Variants in RIMS2 observed in about 807,000 individuals in gnomAD.
The protein encoded by RIMS2 is regulating synaptic membrane exocytosis protein 2.
A neutral mutation model predicts 174.4 loss-of-function variants in RIMS2; 59 were observed. The ratio of observed to expected loss-of-function variants is 0.34; its 90% confidence interval spans 0.27 to 0.42. The LOEUF is 0.42. Ranked by LOEUF, RIMS2 falls within the 10% of genes least tolerant of loss-of-function variation. The probability of loss-of-function intolerance (pLI) is 1.00; values close to 1 mark genes in which losing one functional copy is unlikely to be tolerated. For synonymous variants in RIMS2, 606 were observed against 572.5 expected, an observed-to-expected ratio of 1.06 and a Z score of -0.84; for missense variants, 1,620 against 1,666.3, an observed-to-expected ratio of 0.97 and a Z score of 0.48.
intron 15 of RIMS2, among the ~76,000 whole-genome samples, chr8:103,963,327 T>C (rs1047284105): frequency 4.6e-5 from 7 of 152,190 alleles, no homozygotes; most frequent in Non-Finnish European, 8.8e-5. Context: ...AATCTATTGA[T>C]AGTTTGTTGC....
chr8:103,876,867 TATA>T lies in RIMS2; in HGVS notation c.699-8430_699-8428del, dbSNP rs2099141001. Among the ~76,000 whole-genome samples, 179 of 28,448 alleles carry T rather than the reference TATA, an allele frequency of 6.3e-3. 1 individual carries two copies. Among genetic ancestry groups the T allele is most frequent in the Non-Finnish European group, 0.014 (139 of 10,210 alleles). 18.7% of individuals were successfully genotyped at this position (28,448 alleles called of 152,430 possible). On this transcript the variant is annotated intron_variant, in intron 3 of 23. Coordinates refer to ENST00000504942, the Ensembl canonical transcript of RIMS2. Reference sequence around the variant, plus strand: ...ATATATACACACACACACTATTTTATATATATATATATATATATATATATATAT... The same window carrying T: ...ATATATACACACACACACTATTTTATTATATATATATATATATATATATAT...
chr8:104,228,530 C>A (rs530775976), intron 19 of RIMS2, among the ~76,000 whole-genome samples: 8 of 152,250 alleles, frequency 5.3e-5, no homozygotes, highest in African/African-American at 1.9e-4. Context: ...TCTTAAAGTG[C>A]AAACATCATA....
chr8:103,781,226 C>T lies in RIMS2; in HGVS notation c.698+14689C>T, dbSNP rs80052970. ...GTTGGGGGAAGTATTCCACACACTTCGTGGTGGGCAGATTATGGGGAAAGG... is the reference window on the plus strand; with the variant it reads ...GTTGGGGGAAGTATTCCACACACTTTGTGGTGGGCAGATTATGGGGAAAGG... On this transcript the variant is annotated intron_variant, in intron 3 of 23. Transcript: ENST00000504942. Among the ~76,000 whole-genome samples the T allele has an allele frequency of 3.7e-3, 569 of 152,270 alleles. 8 individuals carry two copies. Among genetic ancestry groups the T allele is most frequent in the African/African-American group, 0.013 (539 of 41,552 alleles).
chr8:103,910,436 G>A (rs1308661669), intron 5 of RIMS2: 14 of 1,597,332 alleles, frequency 8.8e-6, no homozygotes, highest in Non-Finnish European at 1.1e-5. Context: ...CTTTGGAAGA[G>A]GATTTGGAAT....
chr8:104,059,698 C>T (rs2096941960), intron 19 of RIMS2, among the ~76,000 whole-genome samples: 1 of 150,236 alleles, frequency 6.7e-6, no homozygotes, highest in East Asian at 1.9e-4. Flanking sequence ...ATGATATTGG[C>T]TGTGGGTTTG....
chr8:104,140,234 C>A (rs1044233578), intron 19 of RIMS2, among the ~76,000 whole-genome samples: 1 of 152,006 alleles, frequency 6.6e-6, no homozygotes, highest in Non-Finnish European at 1.5e-5. Context: ...TTATAATATT[C>A]TCTTGAATAT....
At chr8:103,635,748 G>A (rs912322880) in intron 1 of RIMS2, among the ~76,000 whole-genome samples, 1 of 152,102 alleles carries the variant, frequency 6.6e-6, no homozygotes, top group Non-Finnish European at 1.5e-5. Context: ...CGGAGCAGCT[G>A]AGCTGTGCTG....
chr8:104,099,399 A>G (rs528734121), intron 19 of RIMS2, among the ~76,000 whole-genome samples: 15 of 152,194 alleles, frequency 9.9e-5, no homozygotes, highest in African/African-American at 3.4e-4. Flanking sequence ...CACCAAGGCT[A>G]TCTTCTATTT....
chr8:103,627,445 A>T (rs2095813283), intron 1 of RIMS2, among the ~76,000 whole-genome samples: 1 of 152,234 alleles, frequency 6.6e-6, no homozygotes, highest in Non-Finnish European at 1.5e-5. Context: ...TTATGAACAT[A>T]ACGTGATTAA....
chr8:104,007,503 T>C (rs1488954844), intron 17 of RIMS2, among the ~76,000 whole-genome samples: 3 of 152,202 alleles, frequency 2.0e-5, no homozygotes, highest in East Asian at 1.9e-4. Flanking sequence ...TCCTAGCATT[T>C]CCATTTGACT....
chr8:103,511,092 G>A (rs1826234839), intron 1 of RIMS2, among the ~76,000 whole-genome samples: 2 of 151,950 alleles, frequency 1.3e-5, no homozygotes, highest in African/African-American at 2.4e-5. Flanking sequence ...TCAAAGTGCC[G>A]CCAATCTGCA....
intron 19 of RIMS2, among the ~76,000 whole-genome samples, chr8:104,037,821 A>T (rs973590453): frequency 5.3e-5 from 8 of 152,148 alleles, no homozygotes; most frequent in African/African-American, 1.4e-4. Flanking sequence ...AGATATGTAG[A>T]TATACAGTCA....
At chr8:103,536,865 T>C (rs1298641172) in intron 1 of RIMS2, among the ~76,000 whole-genome samples, 3 of 152,228 alleles carry the variant, frequency 2.0e-5, no homozygotes, top group Admixed American at 2.0e-4. Flanking sequence ...AGTCACACTT[T>C]GAATAATGTC....
chr8:103,904,431 C>G (rs1338767353), intron 4 of RIMS2, among the ~76,000 whole-genome samples: 1 of 152,004 alleles, frequency 6.6e-6, no homozygotes, highest in Non-Finnish European at 1.5e-5. Flanking sequence ...TAAGTATGAT[C>G]TTAGCTGTTG....
chr8:103,617,132 C>A (rs1324087012), intron 1 of RIMS2, among the ~76,000 whole-genome samples: 1 of 152,162 alleles, frequency 6.6e-6, no homozygotes, highest in Non-Finnish European at 1.5e-5. Context: ...TACAAGGCTA[C>A]AGTAACCAAC....
At chr8:104,105,933 G>A (rs1369088060) in intron 19 of RIMS2, among the ~76,000 whole-genome samples, 12 of 150,804 alleles carry the variant, frequency 8.0e-5, no homozygotes, top group African/African-American at 2.0e-4. Flanking sequence ...CCAGCTACTC[G>A]GGAGGCTGAG....
At position 103,785,806 on chromosome 8, in the gene RIMS2, C is replaced by T. The variant is rs539443110; in HGVS notation, c.698+19269C>T. 7.4e-3 allele frequency among the ~76,000 whole-genome samples: 1,119 copies of T among 152,232 alleles called. 9 individuals carry two copies. The highest frequency in any genetic ancestry group is 0.011 in the Non-Finnish European group (741 of 68,020). Reference sequence around the variant, plus strand: ...TCATAAAAAGAGTTAGGGAGGATTCCCTCTTTTTCTATTGATTGGAATAGT... The same window carrying T: ...TCATAAAAAGAGTTAGGGAGGATTCTCTCTTTTTCTATTGATTGGAATAGT... On this transcript the variant is annotated intron_variant, in intron 3 of 23. Transcript: ENST00000504942.
At chr8:103,579,244 C>T (rs529389116) in intron 1 of RIMS2, among the ~76,000 whole-genome samples, 459 of 144,270 alleles carry the variant, frequency 3.2e-3, no homozygotes, top group Non-Finnish European at 4.5e-3. Flanking sequence ...CTCTCTCCCT[C>T]TCTCTCTGTC....
intron 1 of RIMS2, among the ~76,000 whole-genome samples, chr8:103,536,628 A>G (rs1839878785): frequency 6.6e-6 from 1 of 152,200 alleles, no homozygotes; most frequent in Non-Finnish European, 1.5e-5. Flanking sequence ...GCATGGCCAG[A>G]GCAAGAGCAA....
Sources: gnomAD v4.1 joint callset for allele counts (sites outside exome capture counted in the v4.1 genomes callset) on GRCh38, gnomAD v4.1.1 for gene constraint, MANE v1.5 for transcripts, NCBI Gene and HGNC (gene_info 2026-07-23, HGNC 2026-07-21) for gene names.